MFSD8: variants seen among roughly 807,000 people sequenced by gnomAD.
MFSD8 encodes the protein major facilitator superfamily domain-containing protein 8.
In MFSD8, 55 loss-of-function variants were observed where a neutral mutation model predicts 66.4. That is an observed-to-expected ratio of 0.83 (90% CI 0.67 to 1.04). The LOEUF (loss-of-function observed/expected upper bound fraction) is 1.04. Among genes scored for constraint, MFSD8 ranks in the 50% least tolerant of loss-of-function variants. The pLI, the probability that MFSD8 is intolerant of heterozygous loss-of-function variation, is 0.00. For missense variants in MFSD8, 550 were observed against 627.6 expected (o/e 0.88, Z 1.32); for synonymous variants, 202 against 212.8 (o/e 0.95, Z 0.44).
chr4:127,944,400 C>A (rs1164998207), intron 3 of MFSD8, among the ~76,000 whole-genome samples: 1 of 152,072 alleles, frequency 6.6e-6, no homozygotes, highest in Non-Finnish European at 1.5e-5. Flanking sequence ...CGCTGTAAAT[C>A]ATTTTTTTTA....
Position 127,949,866 on chromosome 4 carries a change from G to T in MFSD8, c.155-19C>A. ...GAAAACCCTGTGAAGAAGCAAACTA[G>T]GTTATTTATACTTATAATAATTTAA... On this transcript the variant is annotated intron_variant, in intron 2 of 11. Coordinates refer to ENST00000641686, the MANE Select transcript of MFSD8 (RefSeq NM_001371596.2). The T allele has an allele frequency of 6.3e-7, 1 of 1,595,970 alleles. No individual in the cohort carries two copies. Among genetic ancestry groups the T allele is most frequent in the Non-Finnish European group, 8.6e-7 (1 of 1,167,032 alleles).
rs1308815023 is a variant in MFSD8 at position 127,918,736 on chromosome 4, A to G, written c.*1894T>C. The G allele has an allele frequency of 6.6e-6, 1 of 152,184 alleles. No individual in the cohort carries two copies. Among genetic ancestry groups the G allele is most frequent in the Non-Finnish European group, 1.5e-5 (1 of 68,022 alleles). The allele number at this position is 152,184 out of a possible 1,614,324, so 9.4% of individuals were successfully genotyped here. A position where few individuals can be genotyped will look rare whatever the true frequency, so the allele number is the denominator to read the frequency against. On this transcript the variant is annotated 3_prime_UTR_variant, in exon 12 of 12. Coordinates refer to ENST00000641686, the MANE Select transcript of MFSD8 (RefSeq NM_001371596.2). Reference sequence around the variant, plus strand: ...AACTTTTCTGTGCCTCCATTCTTTCATCTGTAAAACGGGAATCATAATAGT... The same window carrying G: ...AACTTTTCTGTGCCTCCATTCTTTCGTCTGTAAAACGGGAATCATAATAGT...
chr4:127,931,822 G>T (rs1219524260), intron 8 of MFSD8, among the ~76,000 whole-genome samples: 2 of 152,100 alleles, frequency 1.3e-5, no homozygotes, highest in African/African-American at 4.8e-5. Context: ...TAGCTAACAT[G>T]ATAGTGCCAG....
In MFSD8 at chr4:127,918,283, T is replaced by C. The variant is rs1452072234; in HGVS notation, c.*2347A>G. ...GGTGATTTTTTTTCCTCAAACTTTATCTCCTTGCTCTTTTCCCAATCCCAT... is the reference window on the plus strand; with the variant it reads ...GGTGATTTTTTTTCCTCAAACTTTACCTCCTTGCTCTTTTCCCAATCCCAT... On this transcript the variant is annotated 3_prime_UTR_variant, in exon 12 of 12. Coordinates refer to ENST00000641686, the MANE Select transcript of MFSD8 (RefSeq NM_001371596.2). The C allele has an allele frequency of 6.6e-6, 1 of 152,176 alleles. No individual in the cohort carries two copies. Among genetic ancestry groups the C allele is most frequent in the Non-Finnish European group, 1.5e-5 (1 of 68,036 alleles). 9.4% of individuals were successfully genotyped at this position (152,176 alleles called of 1,614,324 possible). A position where few individuals can be genotyped will look rare whatever the true frequency, so the allele number is the denominator to read the frequency against.
intron 9 of MFSD8, among the ~76,000 whole-genome samples, chr4:127,922,952 T>G (rs1736560301): frequency 6.6e-6 from 1 of 152,216 alleles, no homozygotes; most frequent in African/African-American, 2.4e-5. Flanking sequence ...ATATTTCTTC[T>G]GATATAAGCA....
intron 1 of MFSD8, among the ~76,000 whole-genome samples, chr4:127,959,235 G>C (rs1217468536): frequency 6.6e-6 from 1 of 152,182 alleles, no homozygotes; most frequent in Non-Finnish European, 1.5e-5. Flanking sequence ...CAGAATATTA[G>C]ATGTTCTGCA....
At position 127,930,770 on chromosome 4, in the gene MFSD8, T is replaced by C. The variant is rs371333586; in HGVS notation, c.911A>G (p.Gln304Arg). ...TMDMYAWTQE[Q>R]AVLYNGIILA... ...TATTATGCCATTATATAACACAGCTTGTTCTTGAGTCCAGGCATACATATC... is the reference window on the plus strand; with the variant it reads ...TATTATGCCATTATATAACACAGCTCGTTCTTGAGTCCAGGCATACATATC... The change falls in exon 9 of 12, where the codon CAA becomes CGA. Residue 304 changes from glutamine (Q) to arginine (R), a missense_variant. Gln to Arg is a conservative substitution (Grantham distance 43). Transcript: ENST00000641686. The C allele has an allele frequency of 6.2e-7, 1 of 1,612,968 alleles. No homozygotes were observed. The highest frequency in any genetic ancestry group is 8.5e-7 in the Non-Finnish European group (1 of 1,179,558).
chr4:127,938,870 T>G (rs569490850), intron 6 of MFSD8, 32 bp from the exon 7 acceptor site: 1 of 1,521,434 alleles, frequency 6.6e-7, no homozygotes, highest in South Asian at 1.1e-5. Context: ...ATTGTACCTA[T>G]AAAATGCTTA....
chr4:127,964,175 C>A (rs1446887178), intron 1 of MFSD8, among the ~76,000 whole-genome samples: 2 of 152,364 alleles, frequency 1.3e-5, no homozygotes, highest in South Asian at 4.1e-4. Flanking sequence ...CTGGCTTCGC[C>A]CAGTGGATCC....
intron 9 of MFSD8, 69 bp from the exon 10 acceptor site, chr4:127,922,032 T>C: frequency 7.6e-7 from 1 of 1,315,746 alleles, no homozygotes; most frequent in Non-Finnish European, 1.1e-6. Flanking sequence ...ACTTTCATAA[T>C]TTTAAAAACT....
At position 127,920,556 on chromosome 4, in the gene MFSD8, C is replaced by G. The variant is rs986145964; in HGVS notation, c.*74G>C. 8 of 1,469,946 alleles carry G rather than the reference C, an allele frequency of 5.4e-6. No homozygotes were observed. The highest frequency in any genetic ancestry group is 6.6e-6 in the Non-Finnish European group (7 of 1,053,534). 91.1% of individuals were successfully genotyped at this position (1,469,946 alleles called of 1,614,324 possible). On this transcript the variant is annotated 3_prime_UTR_variant, in exon 12 of 12. Coordinates refer to ENST00000641686, the MANE Select transcript of MFSD8 (RefSeq NM_001371596.2). ...AGTCTGATTCTTGGAGACTGGCTCACCGCAATTGTCTAGCAGAGCTTTAGA... is the reference window on the plus strand; with the variant it reads ...AGTCTGATTCTTGGAGACTGGCTCAGCGCAATTGTCTAGCAGAGCTTTAGA...
intron 1 of MFSD8, among the ~76,000 whole-genome samples, chr4:127,961,718 G>A (rs986256427): frequency 6.6e-6 from 1 of 151,856 alleles, no homozygotes; most frequent in Non-Finnish European, 1.5e-5. Context: ...CTACTCGGGA[G>A]GCTGAGGCAG....
intron 1 of MFSD8, among the ~76,000 whole-genome samples, chr4:127,964,355 C>A (rs1490382591): frequency 6.6e-6 from 1 of 152,212 alleles, no homozygotes; most frequent in Non-Finnish European, 1.5e-5. Context: ...TCAGGCATGG[C>A]GGGCTGCAGG....
chr4:127,920,857 G>T, intron 11 of MFSD8, 21 bp from the exon 12 acceptor site: 1 of 1,609,324 alleles, frequency 6.2e-7, no homozygotes, highest in Non-Finnish European at 8.5e-7. Context: ...TGAAATGGAG[G>T]ACAAGCAGAT....
chr4:127,960,607 A>G (rs1743586678), intron 1 of MFSD8, among the ~76,000 whole-genome samples: 1 of 152,232 alleles, frequency 6.6e-6, no homozygotes, highest in African/African-American at 2.4e-5. Context: ...TATAACAGTT[A>G]CAGAAATAAA....
chr4:127,947,261 G>A (rs1034996504), intron 3 of MFSD8, among the ~76,000 whole-genome samples: 5 of 151,770 alleles, frequency 3.3e-5, no homozygotes, highest in African/African-American at 1.2e-4. Flanking sequence ...ATGGTGGCGG[G>A]TGCCTGTAAT....
chr4:127,957,603 A>G lies in MFSD8; in HGVS notation c.63-11T>C. 1.3e-6 allele frequency: 2 copies of G among 1,556,920 alleles called. No individual in the cohort carries two copies. The highest frequency in any genetic ancestry group is 1.8e-6 in the Non-Finnish European group (2 of 1,130,256). ...AAAATGTCCCATTCTCTAGGTGTAA[A>G]GAAGAAAAAAGTAGTATAAATTTAT... On this transcript the variant is annotated splice_polypyrimidine_tract_variant and intron_variant, in intron 1 of 11. Coordinates refer to ENST00000641686, the MANE Select transcript of MFSD8 (RefSeq NM_001371596.2).
intron 7 of MFSD8, among the ~76,000 whole-genome samples, chr4:127,936,217 G>A (rs1208530835): frequency 1.3e-5 from 2 of 151,870 alleles, no homozygotes; most frequent in South Asian, 2.1e-4. Flanking sequence ...AGGTTCAAGC[G>A]ATTCTCCTGC....
chr4:127,960,170 G>A (rs1432774863), intron 1 of MFSD8, among the ~76,000 whole-genome samples: 1 of 152,110 alleles, frequency 6.6e-6, no homozygotes, highest in Non-Finnish European at 1.5e-5. Flanking sequence ...TCAAACTTGT[G>A]ACTTAAAAAC....
Sources: allele counts gnomAD v4.1 joint callset (sites outside exome capture counted in the v4.1 genomes callset), GRCh38; gene constraint gnomAD v4.1.1; transcripts MANE v1.5; gene names NCBI Gene and HGNC (gene_info 2026-07-23, HGNC 2026-07-21).